The following KCNMA1 variants were observed in gnomAD, a reference collection of about 807,000 sequenced individuals.
KCNMA1 encodes Calcium-activated potassium channel subunit alpha-1.
In KCNMA1, 29 loss-of-function variants were observed where a neutral mutation model predicts 140.0. The ratio of observed to expected loss-of-function variants is 0.21; its 90% CI spans 0.15 to 0.28. KCNMA1 has a LOEUF of 0.28. KCNMA1 is among the 10% of genes least tolerant of loss of function. The pLI, the probability that KCNMA1 is intolerant of heterozygous loss-of-function variation, is 1.00. For synonymous variants in KCNMA1, 612 were observed against 611.9 expected (o/e 1.00, Z 0.00); for missense variants, 880 against 1,602.2 (o/e 0.55, Z 7.70).
chr10:77,564,099 C>T (rs899585288), intron 1 of KCNMA1, among the ~76,000 whole-genome samples: 1 of 152,038 alleles, frequency 6.6e-6, no homozygotes, highest in Admixed American at 6.6e-5. Context: ...GAGATATTGG[C>T]AATAAAAGAA....
chr10:77,153,359 T>C (rs2154061591), intron 5 of KCNMA1, among the ~76,000 whole-genome samples: 1 of 152,258 alleles, frequency 6.6e-6, no homozygotes, highest in Non-Finnish European at 1.5e-5. Flanking sequence ...TCTGATTTCA[T>C]CTTCTTTTTT....
chr10:77,533,198 C>A (rs866276004), intron 1 of KCNMA1, among the ~76,000 whole-genome samples: 2 of 152,024 alleles, frequency 1.3e-5, no homozygotes, highest in Middle Eastern at 3.2e-3. Flanking sequence ...GCTAACATGC[C>A]CAGTGTTGAG....
At position 77,251,232 on chromosome 10, in the gene KCNMA1, T is replaced by C; in HGVS notation, c.565A>G (p.Ile189Val). 1 of 1,612,546 alleles carries C rather than the reference T, an allele frequency of 6.2e-7. No homozygotes were observed. Among genetic ancestry groups the C allele is most frequent in the Non-Finnish European group, 8.5e-7 (1 of 1,178,702 alleles). Residue 189 changes from isoleucine (I) to valine (V), a missense_variant, in exon 3 of 28, where the codon ATC (isoleucine) becomes GTC (valine). This residue lies in a region of KCNMA1 where 198 missense variants were observed against 580.1 expected (regional missense o/e 0.34). Transcript: ENST00000286628. Reference sequence around the variant, plus strand: ...ATGAAGTATATTACAAGTGCACCGATGCTGAGAGCAAAGACTAAGACAACC... The same window carrying C: ...ATGAAGTATATTACAAGTGCACCGACGCTGAGAGCAAAGACTAAGACAACC... ...VLVVLVFALSIGALVIYFIDS... is the reference protein window; with the variant it reads ...VLVVLVFALSVGALVIYFIDS...
At chr10:77,441,568 C>T (rs943311058) in intron 1 of KCNMA1, among the ~76,000 whole-genome samples, 2 of 151,966 alleles carry the variant, frequency 1.3e-5, no homozygotes, top group Non-Finnish European at 2.9e-5. Context: ...CCCACCCCCT[C>T]GCAGGGTTAT....
rs2086483952 is a variant in KCNMA1 at position 77,001,594 on chromosome 10, G to A, written c.2093-14C>T. 1.9e-6 allele frequency: 3 copies of A among 1,547,520 alleles called. No individual in the cohort carries two copies. The highest frequency in any genetic ancestry group is 2.6e-6 in the Non-Finnish European group (3 of 1,143,372). On this transcript the variant is annotated splice_polypyrimidine_tract_variant and intron_variant, in intron 18 of 27. Transcript: ENST00000286628. ...TGGACATCTTGGCTATAACCGTGTG[G>A]TTGGATGGGAGGAGAGGAAGAGCGG... is the stretch of plus-strand genomic sequence containing the variant.
At chr10:77,144,290 C>A (rs986523308) in intron 5 of KCNMA1, among the ~76,000 whole-genome samples, 5 of 151,960 alleles carry the variant, frequency 3.3e-5, no homozygotes, top group African/African-American at 1.2e-4. Flanking sequence ...TATCAAAAAC[C>A]TTATTTTGAA....
At chr10:77,086,004 C>T (rs759109490) in intron 11 of KCNMA1, among the ~76,000 whole-genome samples, 1 of 152,050 alleles carries the variant, frequency 6.6e-6, no homozygotes, top group Non-Finnish European at 1.5e-5. Flanking sequence ...TTACACCCTG[C>T]GTCTTAGATG....
intron 23 of KCNMA1, among the ~76,000 whole-genome samples, chr10:76,934,777 C>T (rs905354766): frequency 1.3e-5 from 2 of 152,196 alleles, no homozygotes; most frequent in Non-Finnish European, 1.5e-5. Context: ...TCTGATTCTA[C>T]AGCTGTGGTT....
At position 77,149,423 on chromosome 10, in the gene KCNMA1, C is replaced by T. The variant is rs374177750; in HGVS notation, c.809-28375G>A. ...CATGTATTTATTTCAACATTTTTTT[C>T]CTATAAATAAATGGCTGTGTGACTT... On this transcript the variant is annotated intron_variant, in intron 5 of 27. Transcript: ENST00000286628. Among the ~76,000 whole-genome samples the T allele has an allele frequency of 1.1e-4, 17 of 152,208 alleles. No individual in the cohort carries two copies. In the East Asian group the frequency reaches 2.5e-3, roughly 22 times the overall value.
intron 1 of KCNMA1, among the ~76,000 whole-genome samples, chr10:77,442,622 T>A (rs1188892983): frequency 6.6e-6 from 1 of 152,088 alleles, no homozygotes; most frequent in Non-Finnish European, 1.5e-5. Context: ...TGAGGACCTA[T>A]CGAGAGAGCA....
In KCNMA1 at chr10:77,239,396, G is replaced by A. The variant is rs375543198; in HGVS notation, c.602+11799C>T. Among the ~76,000 whole-genome samples, 10 of 152,322 alleles carry A rather than the reference G, an allele frequency of 6.6e-5. 1 individual carries two copies. The highest frequency in any genetic ancestry group is 2.4e-4 in the African/African-American group (10 of 41,562). ...TTCTGGCATGGAGTGAGGGTAGCGG[G>A]TGTATGGAAATTCCAGCTCTCAAAT... On this transcript the variant is annotated intron_variant, in intron 3 of 27. Coordinates refer to ENST00000286628, the MANE Select transcript of KCNMA1 (RefSeq NM_001161352.2).
At chr10:77,427,187 T>A (rs1603615893) in intron 1 of KCNMA1, among the ~76,000 whole-genome samples, 1 of 152,184 alleles carries the variant, frequency 6.6e-6, no homozygotes, top group East Asian at 1.9e-4. Context: ...GATGGTCACT[T>A]ATATATTCCC....
At chr10:77,297,596 A>G (rs1449455237) in intron 2 of KCNMA1, among the ~76,000 whole-genome samples, 1 of 152,170 alleles carries the variant, frequency 6.6e-6, no homozygotes, top group Non-Finnish European at 1.5e-5. Flanking sequence ...GGTAAACTGT[A>G]AGGCACTACA....
chr10:77,027,969 T>C, intron 15 of KCNMA1, 78 bp from the exon 16 acceptor site: 1 of 1,276,980 alleles, frequency 7.8e-7, no homozygotes, highest in Non-Finnish European at 1.1e-6. Context: ...TTACGATCTT[T>C]CGGTCTCCTA....
downstream of KCNMA1, chr10:76,874,623 CT>C (rs2032023867): frequency 6.6e-6 from 1 of 152,122 alleles, no homozygotes; most frequent in Non-Finnish European, 1.5e-5. Flanking sequence ...TTCACTTTTC[CT>C]TTATCTAACC....
At chr10:77,332,641 G>T (rs1350049126) in intron 2 of KCNMA1, among the ~76,000 whole-genome samples, 1 of 152,174 alleles carries the variant, frequency 6.6e-6, no homozygotes, top group Non-Finnish European at 1.5e-5. Flanking sequence ...GGGATTTATG[G>T]GGTCACCAGG....
At chr10:77,161,553 A>G (rs2098554682) in intron 5 of KCNMA1, among the ~76,000 whole-genome samples, 1 of 152,106 alleles carries the variant, frequency 6.6e-6, no homozygotes, top group Non-Finnish European at 1.5e-5. Flanking sequence ...TGGAGTTTTA[A>G]TAGTAGTTAC....
At chr10:77,211,604 G>C (rs954992185) in intron 3 of KCNMA1, among the ~76,000 whole-genome samples, 1 of 152,078 alleles carries the variant, frequency 6.6e-6, no homozygotes, top group Non-Finnish European at 1.5e-5. Context: ...ATTGACAAGT[G>C]GGACCTAATT....
At position 77,001,424 on chromosome 10, in the gene KCNMA1, G is replaced by A. The variant is rs779122902; in HGVS notation, c.2249C>T (p.Ser750Phe). ...PLSSVSVNDCSTSFRAFEDEQ... is the reference protein window; with the variant it reads ...PLSSVSVNDCFTSFRAFEDEQ... Reference sequence around the variant, plus strand: ...AAACTTACAGGCACGGAAACTGGTGGAGCAATCATTAACAGAGACAGAAGA... The same window carrying A: ...AAACTTACAGGCACGGAAACTGGTGAAGCAATCATTAACAGAGACAGAAGA... The change falls in exon 19 of 28, where the codon TCC (serine) becomes TTC (phenylalanine). Residue 750 changes from serine (S) to phenylalanine (F), a missense_variant. Around this residue, in one of 13 missense-constraint regions of KCNMA1, gnomAD observed 196 missense variants for 233.0 expected, o/e 0.84. Transcript: ENST00000286628. 80 of 1,551,540 alleles carry A rather than the reference G, an allele frequency of 5.2e-5. No individual in the cohort carries two copies. Among genetic ancestry groups the A allele is most frequent in the Non-Finnish European group, 7.0e-5 (80 of 1,146,954 alleles).
Sources: gnomAD v4.1 joint callset for allele counts (sites outside exome capture counted in the v4.1 genomes callset) on GRCh38, gnomAD v4.1.1 for gene constraint, gnomAD v4.1.1 regional missense constraint, MANE v1.5 for transcripts, NCBI Gene and HGNC (gene_info 2026-07-23, HGNC 2026-07-21) for gene names.